The following PIGK variants were observed in gnomAD, a reference collection of about 807,000 sequenced individuals.
The protein encoded by PIGK is phosphatidylinositol glycan anchor biosynthesis class K.
In PIGK, 42 loss-of-function variants were observed where a neutral mutation model predicts 50.6. The observed-to-expected ratio is 0.83, with a 90% CI of 0.65 to 1.07. PIGK has a LOEUF of 1.07. PIGK is among the 50% of genes least tolerant of loss of function. PIGK has a pLI of 0.00. For missense variants in PIGK, 448 were observed against 488.7 expected, an observed-to-expected ratio of 0.92 and a Z score of 0.78; for synonymous variants, 151 against 156.0, an observed-to-expected ratio of 0.97 and a Z score of 0.24.
At chr1:77,149,843 G>A (rs182420858) in intron 9 of PIGK, among the ~76,000 whole-genome samples, 261 of 152,020 alleles carry the variant, frequency 1.7e-3, no homozygotes, top group African/African-American at 6.1e-3. Flanking sequence ...CCATATGTTA[G>A]GTCACAAAAC....
intron 10 of PIGK, among the ~76,000 whole-genome samples, chr1:77,109,421 G>A (rs1653785140): frequency 6.6e-6 from 1 of 152,046 alleles, no homozygotes. Context: ...ATGATCAAGT[G>A]GGCTTCATCC....
chr1:77,187,962 T>G (rs1215279429), intron 3 of PIGK, among the ~76,000 whole-genome samples: 1 of 152,234 alleles, frequency 6.6e-6, no homozygotes, highest in Non-Finnish European at 1.5e-5. Context: ...CACTTATCAC[T>G]TCCCCAATCA....
At chr1:77,199,158 A>G (rs1656103927) in intron 3 of PIGK, among the ~76,000 whole-genome samples, 1 of 152,080 alleles carries the variant, frequency 6.6e-6, no homozygotes, top group Non-Finnish European at 1.5e-5. Context: ...GCATCAAGGT[A>G]GTGGCCAAAC....
chr1:77,130,863 T>A (rs1351032311), intron 9 of PIGK, among the ~76,000 whole-genome samples: 2 of 152,134 alleles, frequency 1.3e-5, no homozygotes, highest in African/African-American at 2.4e-5. Flanking sequence ...CCTCTCCACA[T>A]CTGTAGTCAC....
chr1:77,201,411 G>A (rs1022224421), intron 3 of PIGK, among the ~76,000 whole-genome samples: 1 of 152,156 alleles, frequency 6.6e-6, no homozygotes, highest in Non-Finnish European at 1.5e-5. Context: ...GAAGTGCCCT[G>A]GTAAGATTGC....
At chr1:77,119,917 T>C (rs1028458693) in intron 10 of PIGK, among the ~76,000 whole-genome samples, 1 of 152,082 alleles carries the variant, frequency 6.6e-6, no homozygotes, top group African/African-American at 2.4e-5. Flanking sequence ...TTTAGAGATA[T>C]GTATACATAG....
At chr1:77,154,363 A>G in intron 9 of PIGK, 86 bp downstream of exon 9, 1 of 956,044 alleles carries the variant, frequency 1.0e-6, no homozygotes, top group Non-Finnish European at 1.6e-6. Context: ...ACAAACACCA[A>G]CTTTTGCCTC....
chr1:77,115,279 T>A (rs1268360673), intron 10 of PIGK, among the ~76,000 whole-genome samples: 1 of 152,202 alleles, frequency 6.6e-6, no homozygotes, highest in Non-Finnish European at 1.5e-5. Flanking sequence ...ACTATATATA[T>A]TTTGAAATAT....
chr1:77,137,501 T>C (rs1654546704), intron 9 of PIGK, among the ~76,000 whole-genome samples: 1 of 152,256 alleles, frequency 6.6e-6, no homozygotes, highest in Admixed American at 6.5e-5. Flanking sequence ...TATTTGGCCT[T>C]TTCCAAATAT....
chr1:77,173,260 T>C (rs770672274), intron 3 of PIGK, among the ~76,000 whole-genome samples: 2 of 152,182 alleles, frequency 1.3e-5, no homozygotes, highest in Non-Finnish European at 2.9e-5. Flanking sequence ...CAAATTAGTC[T>C]CATCTACGGA....
At chr1:77,148,930 T>G (rs1220257086) in intron 9 of PIGK, among the ~76,000 whole-genome samples, 1 of 152,164 alleles carries the variant, frequency 6.6e-6, no homozygotes, top group Admixed American at 6.5e-5. Flanking sequence ...TTGGCCAGAA[T>G]GGTGTTGATC....
chr1:77,163,051 T>C (rs763869920), intron 6 of PIGK, among the ~76,000 whole-genome samples: 26 of 152,132 alleles, frequency 1.7e-4, no homozygotes, highest in African/African-American at 5.8e-4. Context: ...AATGAGACAA[T>C]AGATGTAAAA....
intron 10 of PIGK, among the ~76,000 whole-genome samples, chr1:77,102,877 T>A (rs1386726277): frequency 6.6e-6 from 1 of 152,236 alleles, no homozygotes; most frequent in Non-Finnish European, 1.5e-5. Context: ...TAGTCTTCTT[T>A]AGTATATAAA....
chr1:77,174,978 G>C (rs2100564799), intron 3 of PIGK, among the ~76,000 whole-genome samples: 1 of 152,204 alleles, frequency 6.6e-6, no homozygotes, highest in East Asian at 1.9e-4. Flanking sequence ...CTATAAAAGA[G>C]CTCTAATTAA....
intron 10 of PIGK, among the ~76,000 whole-genome samples, chr1:77,099,987 A>C (rs1046237662): frequency 6.6e-6 from 1 of 152,196 alleles, no homozygotes; most frequent in Admixed American, 6.5e-5. Context: ...TAATATTTCA[A>C]ATTTAAAAGA....
chr1:77,193,518 T>C (rs1473702811), intron 3 of PIGK, among the ~76,000 whole-genome samples: 4 of 152,186 alleles, frequency 2.6e-5, no homozygotes, highest in Admixed American at 6.5e-5. Context: ...CAGGCATTCA[T>C]CATTTATTCA....
rs1308633462 is a variant in PIGK, at chr1:77,186,018, AGTAG to A, written c.240-16627_240-16624del. On this transcript the variant is annotated intron_variant, in intron 3 of 10. Coordinates refer to ENST00000370812, the MANE Select transcript of PIGK (RefSeq NM_005482.3). ...TGCTTTCTGACCCATCCAGCCATAA[AGTAG>A]GTCATGCACAGCAGCATTCCATCAT... Among the ~76,000 whole-genome samples the A allele has an allele frequency of 3.9e-5, 6 of 152,212 alleles. No homozygotes were observed. In the South Asian group the frequency reaches 6.2e-4, roughly 16 times the overall value.
At chr1:77,209,381 A>G (rs1019028569) in intron 2 of PIGK, among the ~76,000 whole-genome samples, 1 of 152,126 alleles carries the variant, frequency 6.6e-6, no homozygotes, top group African/African-American at 2.4e-5. Flanking sequence ...GTTGGGCAAA[A>G]GGCAGAAGAA....
intron 9 of PIGK, among the ~76,000 whole-genome samples, chr1:77,132,605 T>C (rs1654402581): frequency 6.6e-6 from 1 of 152,044 alleles, no homozygotes; most frequent in Non-Finnish European, 1.5e-5. Flanking sequence ...GTCTGATTAA[T>C]AGTCAATTAT....
Sources: gnomAD v4.1 joint callset for allele counts (sites outside exome capture counted in the v4.1 genomes callset) on GRCh38, gnomAD v4.1.1 for gene constraint, MANE v1.5 for transcripts, NCBI Gene and HGNC (gene_info 2026-07-23, HGNC 2026-07-21) for gene names.